LSM14A: variants seen among roughly 807,000 people sequenced by gnomAD.
LSM14A encodes LSM14A mRNA processing body assembly factor.
LSM14A carries 14 observed loss-of-function variants against 52.4 expected under a neutral mutation model. That is an observed-to-expected ratio of 0.27 (90% CI 0.18 to 0.42). The LOEUF is 0.42. LSM14A is among the 10% of genes least tolerant of loss of function. LSM14A has a pLI of 1.00. For missense variants in LSM14A, 417 were observed against 581.8 expected (o/e 0.72, Z 2.91); for synonymous variants, 185 against 200.3 (o/e 0.92, Z 0.64).
Position 34,219,553 on chromosome 19 carries a change from A to G in LSM14A, c.944A>G (p.His315Arg). The G allele has an allele frequency of 6.2e-7, 1 of 1,610,158 alleles. No homozygotes were observed. Among genetic ancestry groups the G allele is most frequent in the East Asian group, 2.2e-5 (1 of 44,874 alleles). Residue 315 changes from histidine to arginine, a missense_variant, in exon 7 of 10, where the codon CAT becomes CGT. By Grantham distance (29) the His-to-Arg change is conservative. Coordinates refer to ENST00000544216, the MANE Select transcript of LSM14A (RefSeq NM_015578.4). ...AAGGAAGAGATTGACAGAGAGTTTC[A>G]TAATAAACTTAAATTAAAAGGTAAG... Reference protein sequence around the residue: ...FNKEEIDREFHNKLKLKEDKL... With the variant: ...FNKEEIDREFRNKLKLKEDKL...
chr19:34,211,207 TGAGGTGGGAGAACCCGGGAGGCA>T (rs1321927422), intron 4 of LSM14A, among the ~76,000 whole-genome samples: 1 of 151,124 alleles, frequency 6.6e-6, no homozygotes, highest in Admixed American at 6.6e-5. Flanking sequence ...CTCAGGAGGC[TGAGGTGGGAGAACCCGGGAGGCA>T]GAGGTTGCAG....
At chr19:34,200,185 T>A (rs1408402343) in intron 3 of LSM14A, among the ~76,000 whole-genome samples, 1 of 152,210 alleles carries the variant, frequency 6.6e-6, no homozygotes, top group Non-Finnish European at 1.5e-5. Context: ...ATCCACACTC[T>A]TCAAAAGATT....
At position 34,198,755 on chromosome 19, in the gene LSM14A, G is replaced by A. The variant is rs1295740709; in HGVS notation, c.415+1992G>A. The stretch of plus-strand genomic sequence containing the variant: ...TAATCCCAGCACTTTGGGAGGCCAA[G>A]GCGTGTGGATCACGAGGTCAGGAGA... On this transcript the variant is annotated intron_variant, in intron 3 of 9. Coordinates refer to ENST00000544216, the MANE Select transcript of LSM14A (RefSeq NM_015578.4). Among the ~76,000 whole-genome samples, 50 of 152,200 alleles carry A rather than the reference G, an allele frequency of 3.3e-4. 1 individual carries two copies. Among genetic ancestry groups the A allele is most frequent in the Admixed American group, 3.2e-3 (49 of 15,284 alleles).
intron 3 of LSM14A, among the ~76,000 whole-genome samples, chr19:34,207,233 A>G (rs1377876496): frequency 6.6e-6 from 1 of 152,224 alleles, no homozygotes; most frequent in Non-Finnish European, 1.5e-5. Context: ...TGCGTAATCC[A>G]GAGGACAAGC....
At chr19:34,195,840 G>C (rs1361604420) in intron 2 of LSM14A, among the ~76,000 whole-genome samples, 1 of 152,206 alleles carries the variant, frequency 6.6e-6, no homozygotes, top group Non-Finnish European at 1.5e-5. Context: ...AAAACTAAGA[G>C]AGCGCATATG....
intron 4 of LSM14A, among the ~76,000 whole-genome samples, chr19:34,211,052 C>T (rs947684296): frequency 9.2e-5 from 14 of 151,704 alleles, no homozygotes; most frequent in Non-Finnish European, 1.6e-4. Flanking sequence ...CCTGTAATCC[C>T]AGCACTTTGG....
chr19:34,217,973 C>T (rs2072777057), intron 6 of LSM14A, among the ~76,000 whole-genome samples: 1 of 148,028 alleles, frequency 6.8e-6, no homozygotes, highest in Non-Finnish European at 1.5e-5. Context: ...TTTACAGACA[C>T]AGACATCTAT....
rs145172053 is a variant in LSM14A at position 34,181,173 on chromosome 19, A to G, written c.121+8410A>G. ...GTGCAGCATTTGTCCCCTCTTGGTG[A>G]TTCAAGAACATTGCTCCAGCAGTTC... On this transcript the variant is annotated intron_variant, in intron 1 of 9. Coordinates refer to ENST00000544216, the MANE Select transcript of LSM14A (RefSeq NM_015578.4). Among the ~76,000 whole-genome samples the G allele has an allele frequency of 3.5e-3, 526 of 152,168 alleles. 1 individual carries two copies. Among genetic ancestry groups the G allele is most frequent in the African/African-American group, 0.012 (507 of 41,484 alleles).
At position 34,227,427 on chromosome 19, in the gene LSM14A, T is replaced by C. The variant is rs1239169905; in HGVS notation, c.*39T>C. ...CTCTGAAAATAGGTGAATTTCTAGC[T>C]CTTCATGGTCCTGAACATTGATTTC... is the stretch of plus-strand genomic sequence containing the variant. On this transcript the variant is annotated 3_prime_UTR_variant, in exon 10 of 10. Transcript: ENST00000544216. 6.7e-6 allele frequency: 10 copies of C among 1,502,088 alleles called. No individual in the cohort carries two copies. Among genetic ancestry groups the C allele is most frequent in the Non-Finnish European group, 9.1e-6 (10 of 1,097,114 alleles). The allele number at this position is 1,502,088 out of a possible 1,614,324, so 93.0% of individuals were successfully genotyped here.
chr19:34,183,246 G>T (rs1396182204), intron 1 of LSM14A, among the ~76,000 whole-genome samples: 1 of 151,948 alleles, frequency 6.6e-6, no homozygotes, highest in East Asian at 1.9e-4. Context: ...TACGTGAGAG[G>T]GACTTTTAAA....
At chr19:34,200,631 C>T (rs1381120118) in intron 3 of LSM14A, among the ~76,000 whole-genome samples, 1 of 152,090 alleles carries the variant, frequency 6.6e-6, no homozygotes, top group African/African-American at 2.4e-5. Context: ...TATTGATATT[C>T]TGTGTACTCC....
At chr19:34,221,431 G>T in intron 8 of LSM14A, 76 bp from the exon 9 acceptor site, 1 of 1,456,120 alleles carries the variant, frequency 6.9e-7, no homozygotes, top group Non-Finnish European at 9.3e-7. Flanking sequence ...CTTAATTTGG[G>T]AGTAGCACTG....
chr19:34,179,492 A>G (rs2069320420), intron 1 of LSM14A, among the ~76,000 whole-genome samples: 1 of 152,180 alleles, frequency 6.6e-6, no homozygotes, highest in Non-Finnish European at 1.5e-5. Context: ...TTGTTGCCCT[A>G]TTTAGTGATG....
chr19:34,182,950 C>T (rs967799938), intron 1 of LSM14A, among the ~76,000 whole-genome samples: 21 of 151,842 alleles, frequency 1.4e-4, no homozygotes, highest in Admixed American at 9.2e-4. Context: ...CTAGCTCCAT[C>T]TCAGATAATT....
intron 1 of LSM14A, among the ~76,000 whole-genome samples, chr19:34,177,647 A>G (rs965297335): frequency 9.9e-5 from 15 of 152,180 alleles, no homozygotes; most frequent in Admixed American, 6.5e-5. Context: ...AACATTTCCA[A>G]AAGGTCAAGG....
chr19:34,227,949 G>A lies in LSM14A; in HGVS notation c.*561G>A, dbSNP rs907388773. ...TTTGTCAGTCAACTATGTACACACAGTAAATACTGTTTCTTAGGCAAAGGT... is the reference window on the plus strand; with the variant it reads ...TTTGTCAGTCAACTATGTACACACAATAAATACTGTTTCTTAGGCAAAGGT... On this transcript the variant is annotated 3_prime_UTR_variant, in exon 10 of 10. Transcript: ENST00000544216. 1.3e-5 allele frequency: 2 copies of A among 152,536 alleles called. No homozygotes were observed. The highest frequency in any genetic ancestry group is 4.8e-5 in the African/African-American group (2 of 41,398). 9.4% of individuals were successfully genotyped at this position (152,536 alleles called of 1,614,324 possible).
At chr19:34,205,995 T>C (rs1444853046) in intron 3 of LSM14A, among the ~76,000 whole-genome samples, 3 of 152,132 alleles carry the variant, frequency 2.0e-5, no homozygotes, top group African/African-American at 7.2e-5. Flanking sequence ...TGGGAATATA[T>C]GAATGTCAAC....
intron 1 of LSM14A, among the ~76,000 whole-genome samples, chr19:34,173,563 G>GC (rs558447822): frequency 6.6e-6 from 1 of 152,128 alleles, no homozygotes; most frequent in African/African-American, 2.4e-5. Flanking sequence ...GAAGGAAGGT[G>GC]CCCCTACCCA....
chr19:34,177,574 C>G (rs1377955964), intron 1 of LSM14A, among the ~76,000 whole-genome samples: 1 of 152,168 alleles, frequency 6.6e-6, no homozygotes, highest in Admixed American at 6.5e-5. Context: ...CTTGTTTGTG[C>G]CTGCTCTGGC....
Sources: gnomAD v4.1 joint callset for allele counts (sites outside exome capture counted in the v4.1 genomes callset) on GRCh38, gnomAD v4.1.1 for gene constraint, MANE v1.5 for transcripts, NCBI Gene and HGNC (gene_info 2026-07-23, HGNC 2026-07-21) for gene names.